The following INPP4B variants were observed in gnomAD, a reference collection of about 807,000 sequenced individuals.
The protein encoded by INPP4B is inositol polyphosphate-4-phosphatase type II B.
Under a neutral mutation model 122.5 loss-of-function variants are expected in INPP4B, and 55 were observed. That is an observed-to-expected ratio of 0.45 (90% CI 0.36 to 0.56). INPP4B has a LOEUF of 0.56. Ranked by LOEUF, INPP4B falls within the 20% of genes least tolerant of loss-of-function variation. The pLI, the probability that INPP4B is intolerant of heterozygous loss-of-function variation, is 0.00. For synonymous variants in INPP4B, 403 were observed against 388.7 expected, an observed-to-expected ratio of 1.04 and a Z score of -0.43; for missense variants, 1,000 against 1,097.7, an observed-to-expected ratio of 0.91 and a Z score of 1.26.
chr4:142,156,402 A>G (rs2152889554), intron 17 of INPP4B, among the ~76,000 whole-genome samples: 1 of 152,272 alleles, frequency 6.6e-6, no homozygotes, highest in Non-Finnish European at 1.5e-5. Flanking sequence ...GGACAAACTA[A>G]TCTTGGAATC....
intron 3 of INPP4B, among the ~76,000 whole-genome samples, chr4:142,438,133 A>T (rs1231264059): frequency 1.3e-5 from 2 of 152,220 alleles, no homozygotes; most frequent in Non-Finnish European, 2.9e-5. Context: ...TGTGCAAAGT[A>T]ATTTGTAGAT....
At position 142,402,767 on chromosome 4, in the gene INPP4B, A is replaced by G. The variant is rs1802054025; in HGVS notation, c.372+171T>C. On this transcript the variant is annotated intron_variant, in intron 7 of 25. Transcript: ENST00000262992. ...AACTTTTGCTCCTAACCAATTGCCA[A>G]TTTGGCAACGAGACAAACATATTTG... Among the ~76,000 whole-genome samples the G allele has an allele frequency of 3.3e-5, 5 of 152,198 alleles. 1 individual carries two copies. The South Asian group carries it at 1.0e-3, about 31-fold the overall frequency.
At chr4:142,152,640 C>A (rs186313585) in intron 17 of INPP4B, among the ~76,000 whole-genome samples, 117 of 152,160 alleles carry the variant, frequency 7.7e-4, no homozygotes, top group Admixed American at 1.6e-3. Flanking sequence ...GTTGCCCAGA[C>A]CAGAGTGCAG....
At chr4:142,685,604 A>G (rs1027285352) in intron 2 of INPP4B, among the ~76,000 whole-genome samples, 1 of 152,078 alleles carries the variant, frequency 6.6e-6, no homozygotes, top group African/African-American at 2.4e-5. Context: ...ATAAATTTAA[A>G]TAGGTTTCCG....
intron 2 of INPP4B, among the ~76,000 whole-genome samples, chr4:142,559,593 A>G (rs1262274095): frequency 1.3e-5 from 2 of 152,204 alleles, no homozygotes; most frequent in Admixed American, 6.5e-5. Flanking sequence ...GCAAAATCAT[A>G]TGCATAAGTT....
chr4:142,640,905 T>A (rs1211137053), intron 2 of INPP4B, among the ~76,000 whole-genome samples: 1 of 152,116 alleles, frequency 6.6e-6, no homozygotes, highest in Admixed American at 6.6e-5. Flanking sequence ...TGGCTAAAAT[T>A]TAAAAAGGCT....
At chr4:142,319,803 G>A (rs539879787) in intron 7 of INPP4B, among the ~76,000 whole-genome samples, 1 of 152,296 alleles carries the variant, frequency 6.6e-6, no homozygotes, top group African/African-American at 2.4e-5. Context: ...GTAGTAGACT[G>A]TTAAATAATT....
intron 11 of INPP4B, among the ~76,000 whole-genome samples, chr4:142,238,626 G>C (rs997972464): frequency 6.6e-6 from 1 of 152,038 alleles, no homozygotes; most frequent in Non-Finnish European, 1.5e-5. Context: ...GTGCCAATGA[G>C]TCAATAACAC....
chr4:142,563,577 T>C (rs77512342), intron 2 of INPP4B, among the ~76,000 whole-genome samples: 8,258 of 152,204 alleles, frequency 0.054, 271 homozygotes, highest in South Asian at 0.068. Flanking sequence ...ATTAGAGCCA[T>C]GGAGTTGATT....
At chr4:142,377,668 T>C (rs570997373) in intron 7 of INPP4B, among the ~76,000 whole-genome samples, 1 of 152,120 alleles carries the variant, frequency 6.6e-6, no homozygotes, top group Non-Finnish European at 1.5e-5. Flanking sequence ...AATATGAGCA[T>C]TCATATGCAG....
At chr4:142,843,333 A>C (rs1783790861) in intron 1 of INPP4B, among the ~76,000 whole-genome samples, 1 of 151,870 alleles carries the variant, frequency 6.6e-6, no homozygotes, top group South Asian at 2.1e-4. Flanking sequence ...AGTATGCTCT[A>C]AAGAGCTCTC....
At chr4:142,340,921 A>G (rs1316636504) in intron 7 of INPP4B, among the ~76,000 whole-genome samples, 2 of 152,188 alleles carry the variant, frequency 1.3e-5, no homozygotes, top group East Asian at 1.9e-4. Context: ...TTGTTTTATC[A>G]TATCTGGTTC....
chr4:142,145,941 T>A lies in INPP4B; in HGVS notation c.1619A>T (p.Asp540Val). The change falls in exon 18 of 26, where the codon GAC (aspartate) becomes GTC (valine). Residue 540 changes from aspartate to valine, a missense_variant. Transcript: ENST00000262992. ...KSLNCIIAMV[D>V]KLIERDGGSE... ...GCCACCATCTCTTTCAATCAGTTTG[T>A]CCACCATAGCAATAATGCAGTTCAG... is the stretch of plus-strand genomic sequence containing the variant. 2 of 1,613,932 alleles carry A rather than the reference T, an allele frequency of 1.2e-6. No individual in the cohort carries two copies. The highest frequency in any genetic ancestry group is 1.7e-6 in the Non-Finnish European group (2 of 1,179,834).
intron 15 of INPP4B, among the ~76,000 whole-genome samples, chr4:142,186,013 G>A (rs1433866684): frequency 2.0e-5 from 3 of 151,918 alleles, no homozygotes; most frequent in African/African-American, 4.8e-5. Context: ...AGCGCAGGTG[G>A]TTCTAATCAA....
intron 25 of INPP4B, chr4:142,029,123 TA>T (rs1464692124): frequency 3.1e-6 from 4 of 1,281,284 alleles, no homozygotes; most frequent in East Asian, 3.0e-5. Context: ...AGAGATGACT[TA>T]AGTCTCTTTA....
intron 9 of INPP4B, among the ~76,000 whole-genome samples, chr4:142,284,391 C>T (rs184163849): frequency 7.9e-5 from 12 of 152,094 alleles, no homozygotes; most frequent in Non-Finnish European, 1.0e-4. Flanking sequence ...AGACAGAAGA[C>T]GAGTTGACTT....
chr4:142,696,847 A>G (rs1463274985), intron 2 of INPP4B, among the ~76,000 whole-genome samples: 2 of 152,176 alleles, frequency 1.3e-5, no homozygotes, highest in Admixed American at 1.3e-4. Context: ...AAAATTACTT[A>G]TTAAATTACT....
At chr4:142,385,889 A>G (rs1489899893) in intron 7 of INPP4B, among the ~76,000 whole-genome samples, 1 of 152,168 alleles carries the variant, frequency 6.6e-6, no homozygotes, top group Non-Finnish European at 1.5e-5. Context: ...ATCTTCTCAC[A>G]TAGTTGTTAC....
chr4:142,123,904 A>C (rs542039744), intron 19 of INPP4B, among the ~76,000 whole-genome samples: 1 of 152,220 alleles, frequency 6.6e-6, no homozygotes, highest in South Asian at 2.1e-4. Flanking sequence ...TTTGGTTAAA[A>C]TATTCCCTTT....
Sources: allele counts gnomAD v4.1 joint callset (sites outside exome capture counted in the v4.1 genomes callset), GRCh38; gene constraint gnomAD v4.1.1; transcripts MANE v1.5; gene names NCBI Gene and HGNC (gene_info 2026-07-23, HGNC 2026-07-21).